KCNQ1: variants seen among roughly 807,000 people sequenced by gnomAD.
KCNQ1 encodes the protein potassium voltage-gated channel subfamily KQT member 1.
Under a neutral mutation model 72.4 loss-of-function variants are expected in KCNQ1, and 49 were observed. The ratio of observed to expected loss-of-function variants is 0.68; its 90% CI spans 0.54 to 0.86. The LOEUF is 0.86. Among genes scored for constraint, KCNQ1 ranks in the 40% least tolerant of loss-of-function variants. The pLI is 0.00. For missense variants in KCNQ1, 790 were observed against 945.1 expected, an observed-to-expected ratio of 0.84 and a Z score of 2.15; for synonymous variants, 450 against 412.6, an observed-to-expected ratio of 1.09 and a Z score of -1.10.
intron 10 of KCNQ1, chr11:2,639,031 C>G (rs573192771): frequency 2.6e-5 from 4 of 152,322 alleles, no homozygotes; most frequent in African/African-American, 9.6e-5. Context: ...GTGCATTTGT[C>G]ACGTAGTTCT....
At position 2,757,648 on chromosome 11, in the gene KCNQ1, T is replaced by C. The variant is rs891004901; in HGVS notation, c.1515-11196T>C. ...AAAAGAATTCAGTGGGAGAAATCAC[T>C]CTACCAATTTTAAGGCCTACTATAC... is the stretch of plus-strand genomic sequence containing the variant. On this transcript the variant is annotated intron_variant, in intron 11 of 15. Transcript: ENST00000155840. Among the ~76,000 whole-genome samples, 15 of 152,238 alleles carry C rather than the reference T, an allele frequency of 9.9e-5. 1 individual carries two copies. The highest frequency in any genetic ancestry group is 9.8e-4 in the Admixed American group (15 of 15,284).
At chr11:2,796,761 C>T (rs557090264) in intron 15 of KCNQ1, among the ~76,000 whole-genome samples, 1 of 152,344 alleles carries the variant, frequency 6.6e-6, no homozygotes, top group African/African-American at 2.4e-5. Flanking sequence ...TTCTTCCCGG[C>T]GGCAGCGGCT....
Position 2,498,740 on chromosome 11 carries a change from ACTC to A in KCNQ1, c.387-29185_387-29183del, listed in dbSNP as rs1180813192. Among the ~76,000 whole-genome samples the A allele has an allele frequency of 6.7e-6, 1 of 149,820 alleles. No homozygotes were observed. Among genetic ancestry groups the A allele is most frequent in the Non-Finnish European group, 1.5e-5 (1 of 67,404 alleles). On this transcript the variant is annotated intron_variant, in intron 1 of 15. Transcript: ENST00000155840. This position sits in a 1 kb window ranked among gnomAD's most constrained non-coding sequence, Gnocchi z 4.8. ...CAGGCACCACTGGGGTACAGAAAAA[ACTC>A]CTGCAGCTAGTTCAATGTCTGTCCA... is the stretch of plus-strand genomic sequence containing the variant.
chr11:2,445,609 T>A, intron 1 of KCNQ1, 125 bp downstream of exon 1: 6 of 1,144,618 alleles, frequency 5.2e-6, no homozygotes, highest in Middle Eastern at 2.5e-4. Flanking sequence ...GGGAAGGAAG[T>A]GGGGAAACGC....
rs902108386 is a variant in KCNQ1 at position 2,658,058 on chromosome 11, C to T, written c.1394-3903C>T. 1 of 398,444 alleles carries T rather than the reference C, an allele frequency of 2.5e-6. No individual in the cohort carries two copies. The highest frequency in any genetic ancestry group is 4.4e-6 in the Non-Finnish European group (1 of 226,060). The allele number at this position is 398,444 out of a possible 1,614,324, so 24.7% of individuals were successfully genotyped here. On this transcript the variant is annotated intron_variant, in intron 10 of 15. Transcript: ENST00000155840. The surrounding 1 kb of genome is among the most constrained non-coding windows in gnomAD (Gnocchi z 4.9). ...GAAGCGAGTCACTAAGTATAGCCCA[C>T]ACTCAAGGTGGGGAAGGGAGGGGTT...
rs1192377966 is a variant in KCNQ1 at position 2,813,536 on chromosome 11, T to C, written c.1795-34231T>C. On this transcript the variant is annotated intron_variant, in intron 15 of 15. Transcript: ENST00000155840. This position sits in a 1 kb window ranked among gnomAD's most constrained non-coding sequence, Gnocchi z 4.4. ...ACACCTCCAGCCCCTGTCTCTATGG[T>C]CCCCTCCTTGATCTGGAGCCATTCA... 6.6e-6 allele frequency among the ~76,000 whole-genome samples: 1 copy of C among 151,872 alleles called. No individual in the cohort carries two copies. The highest frequency in any genetic ancestry group is 1.5e-5 in the Non-Finnish European group (1 of 68,002).
intron 1 of KCNQ1, among the ~76,000 whole-genome samples, chr11:2,499,030 G>A (rs368315930): frequency 6.6e-6 from 1 of 152,132 alleles, no homozygotes; most frequent in Non-Finnish European, 1.5e-5. Flanking sequence ...ACCTGCTTCT[G>A]TGTGCCCTCC....
intron 10 of KCNQ1, chr11:2,648,152 C>T (rs1466386802): frequency 5.3e-6 from 2 of 374,316 alleles, no homozygotes; most frequent in East Asian, 3.7e-5. Context: ...TTACAGTGAG[C>T]CAAGATCACA....
chr11:2,756,899 CTTAA>C (rs887676674), intron 11 of KCNQ1, among the ~76,000 whole-genome samples: 7 of 123,898 alleles, frequency 5.6e-5, no homozygotes, highest in African/African-American at 9.0e-5. Flanking sequence ...ACATTCAAAA[CTTAA>C]TTAATGTGAT....
rs1846694908 is a variant in KCNQ1 at position 2,484,035 on chromosome 11, T to C, written c.386+38551T>C. 2.0e-5 allele frequency among the ~76,000 whole-genome samples: 3 copies of C among 152,362 alleles called. No homozygotes were observed. In the South Asian group the frequency reaches 6.2e-4, roughly 32 times the overall value. On this transcript the variant is annotated intron_variant, in intron 1 of 15. Transcript: ENST00000155840. This position sits in a 1 kb window ranked among gnomAD's most constrained non-coding sequence, Gnocchi z 5.2. ...TCTTTCTATGTTTGTTAATTTGGAT[T>C]CTTCTCCAGGAAGAGCTGTCCCCTT...
intron 10 of KCNQ1, chr11:2,656,239 A>G (rs1350437624): frequency 2.5e-6 from 1 of 398,576 alleles, no homozygotes; most frequent in Non-Finnish European, 4.4e-6. Flanking sequence ...TCACTTGACA[A>G]CTGCATTATA....
chr11:2,809,626 G>C lies in KCNQ1; in HGVS notation c.1794+31589G>C, dbSNP rs990151853. On this transcript the variant is annotated intron_variant, in intron 15 of 15. Transcript: ENST00000155840. This position sits in a 1 kb window ranked among gnomAD's most constrained non-coding sequence, Gnocchi z 7.1. ...TCATCTCCTGACTGGTTGGGTTTCTGCCTCGGTCGCTGACTCCAGAGGGCC... is the reference window on the plus strand; with the variant it reads ...TCATCTCCTGACTGGTTGGGTTTCTCCCTCGGTCGCTGACTCCAGAGGGCC... Among the ~76,000 whole-genome samples, 4 of 152,100 alleles carry C rather than the reference G, an allele frequency of 2.6e-5. No homozygotes were observed. The highest frequency in any genetic ancestry group is 9.7e-5 in the African/African-American group (4 of 41,402).
chr11:2,594,031 T>C (rs928740323), intron 10 of KCNQ1, among the ~76,000 whole-genome samples: 4 of 152,238 alleles, frequency 2.6e-5, no homozygotes, highest in African/African-American at 9.6e-5. Context: ...TTTTTGTTGA[T>C]GCTGCATACA....
In KCNQ1 at chr11:2,772,278, G is replaced by A. The variant is rs1250332742; in HGVS notation, c.1590+3359G>A. On this transcript the variant is annotated intron_variant, in intron 12 of 15. Transcript: ENST00000155840. This position sits in a 1 kb window ranked among gnomAD's most constrained non-coding sequence, Gnocchi z 6.6. The stretch of plus-strand genomic sequence containing the variant: ...CTCAGGGGCTGCTGACATGGCAGGT[G>A]ACCCCTCTGCCTACCTTGCTGGCTG... Among the ~76,000 whole-genome samples the A allele has an allele frequency of 1.3e-5, 2 of 152,082 alleles. No individual in the cohort carries two copies. Among genetic ancestry groups the A allele is most frequent in the Non-Finnish European group, 2.9e-5 (2 of 68,010 alleles).
At chr11:2,749,759 G>A (rs1480633902) in intron 11 of KCNQ1, among the ~76,000 whole-genome samples, 2 of 151,852 alleles carry the variant, frequency 1.3e-5, no homozygotes, top group Admixed American at 1.3e-4. Context: ...CTTGCAGTGA[G>A]CCAAGATTGC....
chr11:2,737,674 C>T (rs1460373967), intron 11 of KCNQ1, among the ~76,000 whole-genome samples: 4 of 152,206 alleles, frequency 2.6e-5, no homozygotes, highest in Non-Finnish European at 4.4e-5. Context: ...ACTCGGCCCT[C>T]GCAGACCATA....
At chr11:2,580,101 C>T (rs1044564808) in intron 6 of KCNQ1, among the ~76,000 whole-genome samples, 7 of 152,100 alleles carry the variant, frequency 4.6e-5, no homozygotes, top group African/African-American at 1.4e-4. Flanking sequence ...TATGCCAGCC[C>T]GTGCCATTTG....
chr11:2,644,017 T>A (rs1240193642), intron 10 of KCNQ1: 3 of 398,464 alleles, frequency 7.5e-6, no homozygotes, highest in African/African-American at 4.1e-5. Context: ...CTTTTATCGC[T>A]GGTTTTATGA....
intron 2 of KCNQ1, among the ~76,000 whole-genome samples, chr11:2,569,676 CG>C (rs1169253936): frequency 6.6e-6 from 1 of 152,232 alleles, no homozygotes; most frequent in Non-Finnish European, 1.5e-5. Flanking sequence ...CCGTACACCC[CG>C]GCTGCCTGGG....
Sources: gnomAD v4.1 joint callset for allele counts (sites outside exome capture counted in the v4.1 genomes callset) on GRCh38, gnomAD v4.1.1 for gene constraint, Gnocchi (gnomAD v3.1) non-coding constraint, MANE v1.5 for transcripts, NCBI Gene and HGNC (gene_info 2026-07-23, HGNC 2026-07-21) for gene names.